The following TANC1 variants were observed in gnomAD, a reference collection of about 807,000 sequenced individuals.
TANC1 encodes the protein tetratricopeptide repeat, ankyrin repeat and coiled-coil containing 1, also known as protein TANC1.
TANC1 carries 77 observed loss-of-function variants against 149.7 expected under a neutral mutation model. The observed-to-expected ratio is 0.51, with a 90% CI of 0.43 to 0.62. TANC1 has a LOEUF of 0.62. Among genes scored for constraint, TANC1 ranks in the 20% least tolerant of loss-of-function variants. The probability of loss-of-function intolerance (pLI) is 0.00; values close to 1 mark genes in which losing one functional copy is unlikely to be tolerated. For missense variants in TANC1, 1,985 were observed against 2,321.8 expected, an observed-to-expected ratio of 0.85 and a Z score of 2.98; for synonymous variants, 854 against 925.0, an observed-to-expected ratio of 0.92 and a Z score of 1.39.
chr2:159,006,869 A>G (rs1051992567), intron 2 of TANC1, among the ~76,000 whole-genome samples: 5 of 152,248 alleles, frequency 3.3e-5, no homozygotes, highest in African/African-American at 1.2e-4. Context: ...GTGAGGTATC[A>G]CAAACTCCTA....
intron 19 of TANC1, among the ~76,000 whole-genome samples, chr2:159,209,880 A>G (rs1265103842): frequency 3.3e-5 from 5 of 152,184 alleles, no homozygotes; most frequent in African/African-American, 1.2e-4. Flanking sequence ...ATTAGATGAC[A>G]TTTGTGAGGA....
At chr2:159,151,100 A>G (rs188657190) in intron 7 of TANC1, among the ~76,000 whole-genome samples, 40 of 152,284 alleles carry the variant, frequency 2.6e-4, no homozygotes, top group Non-Finnish European at 2.5e-4. Flanking sequence ...AGGAGTCAGG[A>G]GACTTGGGTT....
chr2:159,031,750 G>T (rs1203788347), intron 2 of TANC1, among the ~76,000 whole-genome samples: 1 of 152,172 alleles, frequency 6.6e-6, no homozygotes, highest in Non-Finnish European at 1.5e-5. Flanking sequence ...GTAGATGAAT[G>T]ATTAAAGATA....
chr2:159,018,436 G>C (rs1327920813), intron 2 of TANC1, among the ~76,000 whole-genome samples: 1 of 152,116 alleles, frequency 6.6e-6, no homozygotes, highest in Non-Finnish European at 1.5e-5. Context: ...AACAGTAGCA[G>C]ACAAAATTAT....
At chr2:159,175,971 C>T (rs1317632751) in intron 12 of TANC1, among the ~76,000 whole-genome samples, 2 of 152,184 alleles carry the variant, frequency 1.3e-5, no homozygotes, top group Non-Finnish European at 2.9e-5. Context: ...TTTCCCTTCC[C>T]TGGAATCCAC....
intron 3 of TANC1, among the ~76,000 whole-genome samples, chr2:159,080,330 A>C (rs34708721): frequency 0.24 from 36,833 of 152,142 alleles, 5,867 homozygotes; most frequent in Non-Finnish European, 0.36. Context: ...AGTGTCAGGG[A>C]GTGAGACTGC....
intron 16 of TANC1, among the ~76,000 whole-genome samples, chr2:159,190,432 G>T (rs530160024): frequency 1.3e-5 from 2 of 152,304 alleles, no homozygotes; most frequent in East Asian, 3.9e-4. Context: ...TACTCCTCTT[G>T]CTGAGGACTG....
chr2:159,025,856 A>T (rs1225118529), intron 2 of TANC1, among the ~76,000 whole-genome samples: 1 of 152,214 alleles, frequency 6.6e-6, no homozygotes, highest in Non-Finnish European at 1.5e-5. Context: ...TTCAGTGAAC[A>T]TTCAAATTCT....
In TANC1 at chr2:159,090,179, A is replaced by G. The variant is rs370931603; in HGVS notation, c.62-7458A>G. ...ACCCTCCATGCATGTACAAGTGTCC[A>G]TGTTTGTATAGATGTAAACATAATG... is the stretch of plus-strand genomic sequence containing the variant. On this transcript the variant is annotated intron_variant, in intron 3 of 26. Transcript: ENST00000263635. Among the ~76,000 whole-genome samples the G allele has an allele frequency of 8.1e-4, 124 of 152,348 alleles. 3 individuals carry two copies. In the South Asian group the frequency reaches 0.025, roughly 31 times the overall value.
At chr2:159,144,933 C>T (rs2051892194) in intron 5 of TANC1, among the ~76,000 whole-genome samples, 1 of 152,180 alleles carries the variant, frequency 6.6e-6, no homozygotes, top group South Asian at 2.1e-4. Context: ...GGTATTAAGT[C>T]AACTTCGAGG....
intron 11 of TANC1, among the ~76,000 whole-genome samples, chr2:159,173,467 T>C (rs2055489621): frequency 6.6e-6 from 1 of 152,162 alleles, no homozygotes; most frequent in South Asian, 2.1e-4. Flanking sequence ...TAGCCAGGCA[T>C]GGTGCCAGGC....
At chr2:159,049,122 T>C (rs1423718379) in intron 2 of TANC1, among the ~76,000 whole-genome samples, 2 of 152,144 alleles carry the variant, frequency 1.3e-5, no homozygotes, top group African/African-American at 4.8e-5. Context: ...GTTTTTAGAG[T>C]GTGTCTAAGG....
At chr2:159,118,316 C>T (rs2048502631) in intron 4 of TANC1, among the ~76,000 whole-genome samples, 1 of 152,168 alleles carries the variant, frequency 6.6e-6, no homozygotes. Flanking sequence ...GTGCAGCCCA[C>T]ACTTAGGGGT....
chr2:159,149,007 C>T (rs778573783), intron 5 of TANC1, 135 bp from the exon 6 acceptor site: 7 of 1,011,786 alleles, frequency 6.9e-6, no homozygotes, highest in South Asian at 1.8e-5. Flanking sequence ...GGACAGGGTG[C>T]GTTGTCCAAC....
intron 7 of TANC1, among the ~76,000 whole-genome samples, chr2:159,157,736 T>C (rs1439090842): frequency 6.6e-6 from 1 of 152,222 alleles, no homozygotes; most frequent in Non-Finnish European, 1.5e-5. Flanking sequence ...CCTTAATTCA[T>C]TGGTCCAGTG....
chr2:159,175,274 GGGTAGAAGTGA>G, intron 12 of TANC1, 90 bp downstream of exon 12: 1 of 1,030,480 alleles, frequency 9.7e-7, no homozygotes, highest in Non-Finnish European at 1.5e-6. Context: ...AGCCGGGCTG[GGGTAGAAGTGA>G]GGTGGAGCAT....
intron 1 of TANC1, among the ~76,000 whole-genome samples, chr2:158,989,947 G>A (rs1021709372): frequency 6.7e-5 from 10 of 148,724 alleles, no homozygotes; most frequent in Admixed American, 5.4e-4. Flanking sequence ...ACGGATTCTC[G>A]CACTGTCACA....
intron 2 of TANC1, among the ~76,000 whole-genome samples, chr2:159,053,501 C>T (rs2041625400): frequency 6.6e-6 from 1 of 152,228 alleles, no homozygotes; most frequent in South Asian, 2.1e-4. Context: ...CAGCTCTCCA[C>T]TGCAGTATCA....
intron 2 of TANC1, among the ~76,000 whole-genome samples, chr2:159,057,656 A>G (rs565018479): frequency 2.6e-5 from 4 of 152,230 alleles, no homozygotes; most frequent in Non-Finnish European, 5.9e-5. Flanking sequence ...GATTAAAATT[A>G]TGTTTCTCCA....
Sources: allele counts gnomAD v4.1 joint callset (sites outside exome capture counted in the v4.1 genomes callset), GRCh38; gene constraint gnomAD v4.1.1; transcripts MANE v1.5; gene names NCBI Gene and HGNC (gene_info 2026-07-23, HGNC 2026-07-21).